MED12L: variants seen among roughly 807,000 people sequenced by gnomAD.
The protein encoded by MED12L is mediator of RNA polymerase II transcription subunit 12-like protein.
In MED12L, 60 loss-of-function variants were observed where a neutral mutation model predicts 281.3. That is an observed-to-expected ratio of 0.21 (90% CI 0.17 to 0.26). The LOEUF is 0.26. MED12L is among the 10% of genes least tolerant of loss of function. The pLI is 1.00. For missense variants in MED12L, 2,146 were observed against 2,680.9 expected (o/e 0.80, Z 4.41); for synonymous variants, 974 against 987.2 (o/e 0.99, Z 0.25).
intron 39 of MED12L, among the ~76,000 whole-genome samples, chr3:151,407,196 T>TC (rs1469073863): frequency 6.6e-6 from 1 of 151,972 alleles, no homozygotes; most frequent in African/African-American, 2.4e-5. Context: ...GTATTCTAGC[T>TC]CCCCCCACCA....
chr3:151,186,031 G>A (rs181958424), intron 12 of MED12L, among the ~76,000 whole-genome samples: 2 of 152,170 alleles, frequency 1.3e-5, no homozygotes, highest in Admixed American at 1.3e-4. Flanking sequence ...AGTGGATTTG[G>A]ATATACTTTC....
chr3:151,191,049 C>T, intron 14 of MED12L, 118 bp downstream of exon 14: 1 of 860,700 alleles, frequency 1.2e-6, no homozygotes. Flanking sequence ...TCTTTTGCCC[C>T]AGTGGTTGTT....
At chr3:151,185,213 A>G (rs368673043) in intron 11 of MED12L, 117 bp from the exon 12 acceptor site, 23 of 961,490 alleles carry the variant, frequency 2.4e-5, no homozygotes, top group Middle Eastern at 5.4e-4. Flanking sequence ...TAAAGCTACT[A>G]TAATAAAACA....
chr3:151,318,701 A>G (rs1315982383), intron 16 of MED12L, among the ~76,000 whole-genome samples: 1 of 152,102 alleles, frequency 6.6e-6, no homozygotes, highest in East Asian at 1.9e-4. Flanking sequence ...CAGATATTTG[A>G]CAGGCTTCTG....
intron 14 of MED12L, among the ~76,000 whole-genome samples, chr3:151,192,294 C>T (rs1724094959): frequency 6.6e-6 from 1 of 152,172 alleles, no homozygotes; most frequent in Admixed American, 6.5e-5. Context: ...AAATTGTGGA[C>T]ACTTGTTTTA....
At chr3:151,128,422 G>A (rs1364969105) in intron 5 of MED12L, among the ~76,000 whole-genome samples, 7 of 152,044 alleles carry the variant, frequency 4.6e-5, no homozygotes, top group Non-Finnish European at 2.9e-5. Context: ...TATTACAGTG[G>A]GAATACAGAT....
At position 151,388,071 on chromosome 3, in the gene MED12L, A is replaced by G. The variant is rs1335173931; in HGVS notation, c.5350A>G (p.Arg1784Gly). The change falls in exon 37 of 45, where the codon AGG becomes GGG. Residue 1784 changes from arginine (R) to glycine (G), a missense_variant. Arg to Gly is a moderately radical substitution (Grantham distance 125). Transcript: ENST00000687756. Reference sequence around the variant, plus strand: ...ATCTCCAGTTTCTCAGGAACCAGAAAGGAAGTCCGCTGAGCTGTCAGATCA... The same window carrying G: ...ATCTCCAGTTTCTCAGGAACCAGAAGGGAAGTCCGCTGAGCTGTCAGATCA... ...PTSPVSQEPE[R>G]KSAELSDQGK... The G allele has an allele frequency of 1.9e-6, 3 of 1,613,988 alleles. No individual in the cohort carries two copies. Among genetic ancestry groups the G allele is most frequent in the African/African-American group, 1.3e-5 (1 of 74,930 alleles).
chr3:151,275,126 A>G (rs1260007155), intron 16 of MED12L, among the ~76,000 whole-genome samples: 2 of 152,096 alleles, frequency 1.3e-5, no homozygotes, highest in African/African-American at 2.4e-5. Context: ...CTTGGTATAA[A>G]TGGCTCCTAG....
In MED12L at chr3:151,340,854, A is replaced by C. The variant is rs568809860; in HGVS notation, c.2251-9205A>C. 1.1e-3 allele frequency: 169 copies of C among 152,576 alleles called. 1 individual carries two copies. Among genetic ancestry groups the C allele is most frequent in the African/African-American group, 3.9e-3 (163 of 41,582 alleles). The allele number at this position is 152,576 out of a possible 1,614,324, so 9.5% of individuals were successfully genotyped here. A position where few individuals can be genotyped will look rare whatever the true frequency, so the allele number is the denominator to read the frequency against. ...AAAGCTATGCAGACACTGAATTTCT[A>C]TCTGTCCTCTTTTAGGACTTCTGCT... On this transcript the variant is annotated intron_variant, in intron 16 of 44. Coordinates refer to ENST00000687756, the MANE Select transcript of MED12L (RefSeq NM_001393769.1).
chr3:151,190,403 C>G (rs1041975576), intron 13 of MED12L, among the ~76,000 whole-genome samples: 9 of 152,046 alleles, frequency 5.9e-5, no homozygotes, highest in Admixed American at 3.3e-4. Flanking sequence ...AACTCCTGAC[C>G]TCAGGGGATC....
At chr3:151,216,321 A>T (rs16863250) in intron 16 of MED12L, among the ~76,000 whole-genome samples, 2 of 152,164 alleles carry the variant, frequency 1.3e-5, no homozygotes, top group African/African-American at 4.8e-5. Flanking sequence ...CAGAGAATGC[A>T]TCTTTTTCAT....
chr3:151,384,911 C>T (rs1713065154), intron 35 of MED12L, 119 bp from the exon 36 acceptor site: 3 of 700,396 alleles, frequency 4.3e-6, no homozygotes, highest in Non-Finnish European at 7.8e-6. Context: ...GGTTAAAGAA[C>T]ATGCGCTAAG....
At chr3:151,229,181 T>C (rs1731114071) in intron 16 of MED12L, among the ~76,000 whole-genome samples, 1 of 152,232 alleles carries the variant, frequency 6.6e-6, no homozygotes, top group Non-Finnish European at 1.5e-5. Context: ...CAGAAGTGAT[T>C]CCCATATACT....
rs1755210558 is a variant in MED12L at position 151,365,836 on chromosome 3, T to C, written c.3186-14T>C. ...GTACAAGGTTACTTTCTGTGTCTTCTTTTTCTTTTCTAGGATTAACGACAT... is the reference window on the plus strand; with the variant it reads ...GTACAAGGTTACTTTCTGTGTCTTCCTTTTCTTTTCTAGGATTAACGACAT... On this transcript the variant is annotated splice_polypyrimidine_tract_variant and intron_variant, in intron 22 of 44. Transcript: ENST00000687756. The C allele has an allele frequency of 3.1e-6, 5 of 1,599,718 alleles. No individual in the cohort carries two copies. The East Asian group carries it at 1.1e-4, about 36-fold the overall frequency.
At chr3:151,142,697 A>G (rs935723231) in intron 5 of MED12L, among the ~76,000 whole-genome samples, 3 of 152,194 alleles carry the variant, frequency 2.0e-5, no homozygotes, top group Admixed American at 6.5e-5. Flanking sequence ...CATACTGTGC[A>G]TACAGTGGCC....
rs1711838812 is a variant in MED12L, at chr3:151,379,436, C to A, written c.4479-677C>A. On this transcript the variant is annotated intron_variant, in intron 31 of 44. Coordinates refer to ENST00000687756, the MANE Select transcript of MED12L (RefSeq NM_001393769.1). The stretch of plus-strand genomic sequence containing the variant: ...TTGTTGATTATTCTCTAATTGAAGA[C>A]ATTTTGTTAAAATGCCAATTTAAAA... Among the ~76,000 whole-genome samples the A allele has an allele frequency of 3.3e-5, 5 of 152,312 alleles. No individual in the cohort carries two copies. In the South Asian group the frequency reaches 1.0e-3, roughly 32 times the overall value.
intron 2 of MED12L, among the ~76,000 whole-genome samples, chr3:151,114,001 A>C (rs1712336051): frequency 6.6e-6 from 1 of 152,212 alleles, no homozygotes; most frequent in Non-Finnish European, 1.5e-5. Flanking sequence ...TCTGACGGCA[A>C]ATCAAAGATA....
intron 16 of MED12L, among the ~76,000 whole-genome samples, chr3:151,225,010 C>G (rs1293556066): frequency 6.6e-6 from 1 of 152,080 alleles, no homozygotes; most frequent in Non-Finnish European, 1.5e-5. Context: ...ATATTATTTA[C>G]TAGTGTTATT....
chr3:151,159,936 T>C lies in MED12L; in HGVS notation c.942T>C (p.Ala314=). The change falls in exon 8 of 45, where the codon GCT becomes GCC. Residue 314 remains alanine (A), a synonymous_variant. Transcript: ENST00000687756. ...LLLSDSPNLL[A]AHSPHMMIGP... is the part of the protein sequence containing the mutation. ...TGAGCGATAGCCCCAACCTCCTTGCTGCCCACTCACCCCACATGATGATAG... is the reference window on the plus strand; with the variant it reads ...TGAGCGATAGCCCCAACCTCCTTGCCGCCCACTCACCCCACATGATGATAG... 1 of 1,614,248 alleles carries C rather than the reference T, an allele frequency of 6.2e-7. No individual in the cohort carries two copies.
Sources: gnomAD v4.1 joint callset for allele counts (sites outside exome capture counted in the v4.1 genomes callset) on GRCh38, gnomAD v4.1.1 for gene constraint, MANE v1.5 for transcripts, NCBI Gene and HGNC (gene_info 2026-07-23, HGNC 2026-07-21) for gene names.